The following SLC35F3 variants were observed in gnomAD, a reference collection of about 807,000 sequenced individuals.
SLC35F3 encodes putative thiamine transporter SLC35F3.
Under a neutral mutation model 49.9 loss-of-function variants are expected in SLC35F3, and 25 were observed. The observed-to-expected ratio is 0.50, with a 90% confidence interval of 0.37 to 0.70. SLC35F3 has a LOEUF of 0.70. Ranked by LOEUF, SLC35F3 falls within the 30% of genes least tolerant of loss-of-function variation. SLC35F3 has a pLI of 0.00. For synonymous variants in SLC35F3, 275 were observed against 265.4 expected, an observed-to-expected ratio of 1.04 and a Z score of -0.35; for missense variants, 525 against 639.8, an observed-to-expected ratio of 0.82 and a Z score of 1.94.
chr1:233,942,476 C>T (rs1341304874), intron 2 of SLC35F3, among the ~76,000 whole-genome samples: 1 of 152,046 alleles, frequency 6.6e-6, no homozygotes, highest in South Asian at 2.1e-4. Context: ...GGCTAGAGTG[C>T]GATGGCACAA....
At chr1:233,983,133 A>G (rs1663212566) in intron 2 of SLC35F3, among the ~76,000 whole-genome samples, 1 of 152,132 alleles carries the variant, frequency 6.6e-6, no homozygotes, top group Non-Finnish European at 1.5e-5. Flanking sequence ...TAAAGAAACC[A>G]CAGAACTTTG....
At chr1:233,972,012 G>T (rs1663001974) in intron 2 of SLC35F3, among the ~76,000 whole-genome samples, 1 of 152,250 alleles carries the variant, frequency 6.6e-6, no homozygotes, top group African/African-American at 2.4e-5. Context: ...GACCCTGGAG[G>T]TGAGGGAGCC....
At chr1:234,273,119 A>G (rs578008225) in intron 3 of SLC35F3, among the ~76,000 whole-genome samples, 1 of 152,312 alleles carries the variant, frequency 6.6e-6, no homozygotes, top group South Asian at 2.1e-4. Flanking sequence ...CATTCAGGGA[A>G]TTGCCAGCAT....
intron 2 of SLC35F3, among the ~76,000 whole-genome samples, chr1:234,108,747 TAA>T (rs1199956232): frequency 1.8e-5 from 2 of 113,188 alleles, no homozygotes; most frequent in African/African-American, 6.5e-5. Flanking sequence ...CTTTTATATA[TAA>T]AAGATATATA....
At chr1:233,972,569 G>A (rs1663013137) in intron 2 of SLC35F3, among the ~76,000 whole-genome samples, 1 of 152,160 alleles carries the variant, frequency 6.6e-6, no homozygotes, top group Admixed American at 6.5e-5. Flanking sequence ...CTGTTTTGAG[G>A]AGCAAATGGA....
chr1:233,924,829 T>C (rs1187946239), intron 2 of SLC35F3, among the ~76,000 whole-genome samples: 1 of 152,266 alleles, frequency 6.6e-6, no homozygotes, highest in African/African-American at 2.4e-5. Context: ...TCTGGTATGT[T>C]GTGTCTTTGT....
At chr1:233,926,209 A>G (rs1662157538) in intron 2 of SLC35F3, among the ~76,000 whole-genome samples, 1 of 152,188 alleles carries the variant, frequency 6.6e-6, no homozygotes, top group Non-Finnish European at 1.5e-5. Context: ...GTTCTCCTGG[A>G]TAACATCCTG....
intron 3 of SLC35F3, among the ~76,000 whole-genome samples, chr1:234,279,976 C>T (rs1229629055): frequency 6.6e-6 from 1 of 152,144 alleles, no homozygotes; most frequent in African/African-American, 2.4e-5. Context: ...AACAAATGAT[C>T]ACACTTGGCA....
At chr1:233,999,622 C>T (rs949276985) in intron 2 of SLC35F3, among the ~76,000 whole-genome samples, 3 of 152,054 alleles carry the variant, frequency 2.0e-5, no homozygotes, top group Admixed American at 2.0e-4. Flanking sequence ...CCACTTATCC[C>T]TTCCGGCCCT....
intron 3 of SLC35F3, among the ~76,000 whole-genome samples, chr1:234,273,952 G>T (rs1466513366): frequency 4.0e-5 from 6 of 151,824 alleles, no homozygotes; most frequent in African/African-American, 1.5e-4. Context: ...TAGCATTTGT[G>T]TACAAAATAG....
intron 2 of SLC35F3, among the ~76,000 whole-genome samples, chr1:234,144,593 C>T (rs4562688): frequency 0.97 from 147,418 of 152,322 alleles, 71,355 homozygotes; most frequent in East Asian, 1. Flanking sequence ...GAAATTAGCA[C>T]CTGCTAGGCA....
intron 2 of SLC35F3, among the ~76,000 whole-genome samples, chr1:234,103,508 G>T (rs991223311): frequency 6.6e-6 from 1 of 152,202 alleles, no homozygotes; most frequent in African/African-American, 2.4e-5. Context: ...AACCTCAGCA[G>T]CCTGAGTCTT....
chr1:234,146,106 TTTAA>T (rs1665991705), intron 2 of SLC35F3, among the ~76,000 whole-genome samples: 1 of 152,184 alleles, frequency 6.6e-6, no homozygotes, highest in Non-Finnish European at 1.5e-5. Flanking sequence ...ATTTAATCAT[TTTAA>T]TTACTGGTGG....
At chr1:234,163,420 A>T (rs975259165) in intron 2 of SLC35F3, among the ~76,000 whole-genome samples, 4 of 152,246 alleles carry the variant, frequency 2.6e-5, no homozygotes, top group South Asian at 4.2e-4. Flanking sequence ...GGAGACAAAG[A>T]CAGACGTCCT....
chr1:233,972,514 T>A (rs1314322571), intron 2 of SLC35F3, among the ~76,000 whole-genome samples: 1 of 152,212 alleles, frequency 6.6e-6, no homozygotes, highest in Non-Finnish European at 1.5e-5. Flanking sequence ...TGCCTCAGTT[T>A]CCTCATCTTG....
chr1:234,181,703 C>T (rs1666559809), intron 2 of SLC35F3, among the ~76,000 whole-genome samples: 1 of 152,102 alleles, frequency 6.6e-6, no homozygotes, highest in African/African-American at 2.4e-5. Context: ...ATTTTGTCCT[C>T]CGTATTTCCT....
At position 234,214,092 on chromosome 1, in the gene SLC35F3, A is replaced by G; in HGVS notation, c.284-17325A>G. ...GGCTTCTCAGAGAGGTGGTGGCCAG[A>G]GGCTGCAGTCAGGACCTGGCTGGGA... On this transcript the variant is annotated intron_variant, in intron 2 of 7. Transcript: ENST00000366618. The surrounding 1 kb of genome is among the most constrained non-coding windows in gnomAD (Gnocchi z 8.0). The G allele has an allele frequency of 1.2e-6, 1 of 830,784 alleles. No homozygotes were observed. Among genetic ancestry groups the G allele is most frequent in the East Asian group, 1.0e-4 (1 of 9,602 alleles). The allele number at this position is 830,784 out of a possible 1,614,324, so 51.5% of individuals were successfully genotyped here. A position where few individuals can be genotyped will look rare whatever the true frequency, so the allele number is the denominator to read the frequency against.
At chr1:234,107,838 A>G (rs1396464122) in intron 2 of SLC35F3, among the ~76,000 whole-genome samples, 2 of 152,118 alleles carry the variant, frequency 1.3e-5, no homozygotes, top group Non-Finnish European at 2.9e-5. Context: ...TCTTTTATTA[A>G]TGGAAGCACT....
chr1:234,113,571 C>T lies in SLC35F3; in HGVS notation c.284-117846C>T, dbSNP rs576163887. Among the ~76,000 whole-genome samples the T allele has an allele frequency of 1.6e-4, 24 of 152,142 alleles. No individual in the cohort carries two copies. The South Asian group carries it at 4.8e-3, about 30-fold the overall frequency. On this transcript the variant is annotated intron_variant, in intron 2 of 7. Coordinates refer to ENST00000366618, the MANE Select transcript of SLC35F3 (RefSeq NM_173508.4). ...CTTTAGTTCATGACCATTAAGATTT[C>T]GGTGACATGTAGGCAAGCATGGTGG...
Sources: gnomAD v4.1 joint callset for allele counts (sites outside exome capture counted in the v4.1 genomes callset) on GRCh38, gnomAD v4.1.1 for gene constraint, Gnocchi (gnomAD v3.1) non-coding constraint, MANE v1.5 for transcripts, NCBI Gene and HGNC (gene_info 2026-07-23, HGNC 2026-07-21) for gene names.